The following ZMYM5 variants were observed in gnomAD, a reference collection of about 807,000 sequenced individuals.
The protein encoded by ZMYM5 is zinc finger MYM-type containing 5.
Under a neutral mutation model 61.8 loss-of-function variants are expected in ZMYM5, and 41 were observed. The observed-to-expected ratio is 0.66, with a 90% CI of 0.52 to 0.86. The LOEUF is 0.86. ZMYM5 is among the 40% of genes least tolerant of loss of function. The pLI is 0.00. For synonymous variants in ZMYM5, 257 were observed against 276.4 expected, an observed-to-expected ratio of 0.93 and a Z score of 0.70; for missense variants, 706 against 786.7, an observed-to-expected ratio of 0.90 and a Z score of 1.23.
intron 7 of ZMYM5, among the ~76,000 whole-genome samples, chr13:19,830,530 A>G (rs1354824290): frequency 1.3e-5 from 2 of 152,034 alleles, no homozygotes; most frequent in Non-Finnish European, 2.9e-5. Context: ...ATGAACCACC[A>G]TGCCTGGCTA....
intron 2 of ZMYM5, among the ~76,000 whole-genome samples, chr13:19,852,457 G>C (rs1397294065): frequency 6.6e-6 from 1 of 152,004 alleles, no homozygotes; most frequent in Non-Finnish European, 1.5e-5. Context: ...GCCTTCCTTT[G>C]AATTAGAAAA....
intron 4 of ZMYM5, among the ~76,000 whole-genome samples, chr13:19,847,803 ATTTTTTTTTTTTT>A (rs34176871): frequency 1.3e-5 from 1 of 79,894 alleles, no homozygotes; most frequent in Admixed American, 1.9e-4. Flanking sequence ...TGCCCGGCTA[ATTTTTTTTTTTTT>A]TTTTTTTTTT....
At chr13:19,843,012 C>T (rs998630439) in intron 4 of ZMYM5, among the ~76,000 whole-genome samples, 2 of 148,846 alleles carry the variant, frequency 1.3e-5, no homozygotes, top group South Asian at 2.1e-4. Context: ...CATGGAGTTT[C>T]GCTATGTTGC....
At chr13:19,837,013 T>A (rs1437989660) in intron 6 of ZMYM5, among the ~76,000 whole-genome samples, 14 of 144,512 alleles carry the variant, frequency 9.7e-5, no homozygotes. Context: ...TAGATGGGTA[T>A]GTTGTTTTTT....
intron 4 of ZMYM5, among the ~76,000 whole-genome samples, chr13:19,845,334 A>C (rs987243895): frequency 2.6e-5 from 4 of 152,292 alleles, no homozygotes; most frequent in Middle Eastern, 3.4e-3. Flanking sequence ...TGCTTTTTGT[A>C]TTATGTGGCA....
At chr13:19,852,713 T>C (rs988421435) in intron 2 of ZMYM5, among the ~76,000 whole-genome samples, 1 of 152,190 alleles carries the variant, frequency 6.6e-6, no homozygotes, top group Non-Finnish European at 1.5e-5. Flanking sequence ...AATGGGCTTT[T>C]TACAGAAAAT....
chr13:19,848,653 C>G (rs1400286137), intron 4 of ZMYM5, among the ~76,000 whole-genome samples: 1 of 152,110 alleles, frequency 6.6e-6, no homozygotes, highest in Non-Finnish European at 1.5e-5. Context: ...CCTGCCTCAG[C>G]CTCCTGAGTA....
chr13:19,851,314 C>T (rs769345901), intron 4 of ZMYM5, 41 bp downstream of exon 4: 19 of 1,527,996 alleles, frequency 1.2e-5, no homozygotes, highest in Non-Finnish European at 1.5e-5. Flanking sequence ...CAGCCAAAGG[C>T]TTATTTACTT....
chr13:19,831,330 G>A (rs1891205150), intron 7 of ZMYM5, among the ~76,000 whole-genome samples: 2 of 151,740 alleles, frequency 1.3e-5, no homozygotes, highest in South Asian at 4.2e-4. Flanking sequence ...TCACTATGTT[G>A]CCCAGGCTGC....
rs572475086 is a variant in ZMYM5, at chr13:19,856,809, C to T, written c.-10-4619G>A. On this transcript the variant is annotated intron_variant, in intron 2 of 7. Transcript: ENST00000337963. Reference sequence around the variant, plus strand: ...TGGGTAACAAAATGAGACTCTGTCTCGAAAACAAACAAAAAGGCCGGGCGC... The same window carrying T: ...TGGGTAACAAAATGAGACTCTGTCTTGAAAACAAACAAAAAGGCCGGGCGC... Among the ~76,000 whole-genome samples, 121 of 151,520 alleles carry T rather than the reference C, an allele frequency of 8.0e-4. 1 individual carries two copies. Among genetic ancestry groups the T allele is most frequent in the African/African-American group, 2.7e-3 (112 of 41,296 alleles).
intron 4 of ZMYM5, among the ~76,000 whole-genome samples, chr13:19,848,578 G>A (rs1953169783): frequency 6.6e-6 from 1 of 151,976 alleles, no homozygotes; most frequent in South Asian, 2.1e-4. Context: ...TTGTCGCCCA[G>A]GCTGGAGTGC....
chr13:19,845,269 G>T (rs1953035553), intron 4 of ZMYM5, among the ~76,000 whole-genome samples: 1 of 152,110 alleles, frequency 6.6e-6, no homozygotes, highest in South Asian at 2.1e-4. Context: ...ATTAGAAAAA[G>T]AAACAAAAGG....
intron 2 of ZMYM5, 88 bp from the exon 3 acceptor site, chr13:19,852,278 A>G (rs1437979516): frequency 7.2e-7 from 1 of 1,393,730 alleles, no homozygotes; most frequent in African/African-American, 1.4e-5. Flanking sequence ...CAAATTTTTC[A>G]AATTATTTTT....
At chr13:19,847,076 T>G (rs1181099325) in intron 4 of ZMYM5, among the ~76,000 whole-genome samples, 2 of 152,138 alleles carry the variant, frequency 1.3e-5, no homozygotes, top group African/African-American at 4.8e-5. Flanking sequence ...GCCTCCCCAG[T>G]AGCTAGGACT....
intron 7 of ZMYM5, among the ~76,000 whole-genome samples, chr13:19,834,280 T>C (rs546303928): frequency 7.0e-6 from 1 of 142,812 alleles, no homozygotes; most frequent in Non-Finnish European, 1.5e-5. Flanking sequence ...GTCCAGCCTA[T>C]TTTTTCTTTT....
chr13:19,841,698 T>C (rs1055963224), intron 4 of ZMYM5: 2 of 151,770 alleles, frequency 1.3e-5, no homozygotes, highest in African/African-American at 4.8e-5. Flanking sequence ...TCATGAGCTT[T>C]TTTTTTTTTG....
intron 4 of ZMYM5, among the ~76,000 whole-genome samples, chr13:19,844,031 G>A (rs1257725390): frequency 1.3e-5 from 2 of 151,662 alleles, no homozygotes; most frequent in African/African-American, 2.4e-5. Context: ...CCAGCTATTC[G>A]GGAGGCTGAG....
intron 7 of ZMYM5, among the ~76,000 whole-genome samples, chr13:19,833,979 CT>C (rs1952596929): frequency 6.6e-6 from 1 of 152,052 alleles, no homozygotes; most frequent in Non-Finnish European, 1.5e-5. Flanking sequence ...CCTGTATTTC[CT>C]TTTTCTTTTT....
chr13:19,826,343 C>T (rs1383106981), intron 7 of ZMYM5, among the ~76,000 whole-genome samples: 3 of 151,756 alleles, frequency 2.0e-5, no homozygotes, highest in Non-Finnish European at 2.9e-5. Flanking sequence ...CAGTGCGAGA[C>T]TCCGTCTCAA....
Sources: gnomAD v4.1 joint callset for allele counts (sites outside exome capture counted in the v4.1 genomes callset) on GRCh38, gnomAD v4.1.1 for gene constraint, MANE v1.5 for transcripts, NCBI Gene and HGNC (gene_info 2026-07-23, HGNC 2026-07-21) for gene names.